The following TRAPPC9 variants were observed in gnomAD, a reference collection of about 807,000 sequenced individuals.
TRAPPC9 encodes the protein IKK2 binding protein.
A neutral mutation model predicts 124.0 loss-of-function variants in TRAPPC9; 83 were observed. The ratio of observed to expected loss-of-function variants is 0.67; its 90% CI spans 0.56 to 0.80. TRAPPC9 has a LOEUF of 0.80. TRAPPC9 is among the 30% of genes least tolerant of loss of function. The pLI is 0.00. For synonymous variants in TRAPPC9, 638 were observed against 617.5 expected (o/e 1.03, Z -0.49); for missense variants, 1,302 against 1,508.3 (o/e 0.86, Z 2.27).
intron 19 of TRAPPC9, among the ~76,000 whole-genome samples, chr8:139,924,379 G>C (rs530344138): frequency 1.2e-4 from 19 of 152,316 alleles, no homozygotes; most frequent in African/African-American, 4.6e-4. Context: ...ACATGGAGCT[G>C]AAGGGACAGC....
At chr8:140,458,190 A>T, upstream of TRAPPC9, 1 of 1,548,038 alleles carries the variant, frequency 6.5e-7, no homozygotes, top group Non-Finnish European at 8.7e-7. Context: ...GGAGGGAGGG[A>T]CCGGAGCAAG....
intron 21 of TRAPPC9, among the ~76,000 whole-genome samples, chr8:139,814,303 T>C (rs1280588664): frequency 2.0e-5 from 3 of 152,102 alleles, no homozygotes; most frequent in African/African-American, 7.2e-5. Context: ...GCCTTCCCCG[T>C]GGAGACACGG....
rs919506762 is a variant in TRAPPC9, at chr8:140,087,421, ATGG to A, written c.2557-63345_2557-63343del. On this transcript the variant is annotated intron_variant, in intron 17 of 22. Transcript: ENST00000438773. This position sits in a 1 kb window ranked among gnomAD's most constrained non-coding sequence, Gnocchi z 4.6. ...GCCCAGACCTCTCCCTGGAGCACAGATGGAACACCAACAGGCTCCCGCACAGCC... is the reference window on the plus strand; with the variant it reads ...GCCCAGACCTCTCCCTGGAGCACAGAAACACCAACAGGCTCCCGCACAGCC... 6.6e-6 allele frequency among the ~76,000 whole-genome samples: 1 copy of A among 152,176 alleles called. No homozygotes were observed. Among genetic ancestry groups the A allele is most frequent in the Non-Finnish European group, 1.5e-5 (1 of 68,030 alleles).
chr8:139,734,758 G>A (rs1818047302), intron 21 of TRAPPC9, among the ~76,000 whole-genome samples: 1 of 152,246 alleles, frequency 6.6e-6, no homozygotes, highest in Non-Finnish European at 1.5e-5. Flanking sequence ...CCAAGAGCTG[G>A]GGCATGCCAA....
Position 140,315,158 on chromosome 8 carries a change from C to A in TRAPPC9, c.1496-3784G>T, listed in dbSNP as rs547258506. ...GCTGGAGAAAGGTGATCTCTCATAG[C>A]GGTTTTCATTTGCATTTCCCTGATG... On this transcript the variant is annotated intron_variant, in intron 9 of 22. Coordinates refer to ENST00000438773, the MANE Select transcript of TRAPPC9 (RefSeq NM_001160372.4). Among the ~76,000 whole-genome samples, 63 of 150,156 alleles carry A rather than the reference C, an allele frequency of 4.2e-4. 1 individual carries two copies. Among genetic ancestry groups the A allele is most frequent in the Non-Finnish European group, 8.9e-5 (6 of 67,726 alleles).
intron 17 of TRAPPC9, among the ~76,000 whole-genome samples, chr8:140,137,463 G>A (rs2061322955): frequency 6.6e-6 from 1 of 151,966 alleles, no homozygotes. Flanking sequence ...AGCGGGTAGT[G>A]AGCTTTCCAC....
intron 21 of TRAPPC9, among the ~76,000 whole-genome samples, chr8:139,781,497 A>G (rs945460679): frequency 3.3e-5 from 5 of 152,282 alleles, no homozygotes; most frequent in Admixed American, 6.5e-5. Context: ...GGCAGAGAAT[A>G]GAGGACATTT....
intron 17 of TRAPPC9, among the ~76,000 whole-genome samples, chr8:140,053,445 T>C (rs1298719662): frequency 6.6e-6 from 1 of 152,242 alleles, no homozygotes; most frequent in Non-Finnish European, 1.5e-5. Context: ...TTTCAGTCTT[T>C]TTAAATTTGG....
intron 17 of TRAPPC9, among the ~76,000 whole-genome samples, chr8:140,143,520 CCTT>C (rs1351949345): frequency 6.6e-6 from 1 of 152,200 alleles, no homozygotes; most frequent in African/African-American, 2.4e-5. Flanking sequence ...CTCATAATGT[CCTT>C]CTTAGAAGTT....
chr8:140,346,767 A>G (rs886909373), intron 9 of TRAPPC9, among the ~76,000 whole-genome samples: 2 of 152,268 alleles, frequency 1.3e-5, no homozygotes, highest in African/African-American at 2.4e-5. Flanking sequence ...TAAAATTTCA[A>G]TCAAATATCA....
At chr8:139,779,010 C>G (rs1304766778) in intron 21 of TRAPPC9, among the ~76,000 whole-genome samples, 5 of 151,942 alleles carry the variant, frequency 3.3e-5, no homozygotes, top group Non-Finnish European at 5.9e-5. Context: ...TTTTAATTTG[C>G]CATTAAAAGT....
intron 21 of TRAPPC9, among the ~76,000 whole-genome samples, chr8:139,844,479 G>T (rs547602042): frequency 5.1e-4 from 77 of 152,374 alleles, no homozygotes; most frequent in African/African-American, 1.9e-3. Context: ...GAACAACGGA[G>T]GGGCCGTTAA....
At chr8:140,447,005 G>A (rs1319185768) in intron 2 of TRAPPC9, among the ~76,000 whole-genome samples, 3 of 152,150 alleles carry the variant, frequency 2.0e-5, no homozygotes, top group East Asian at 1.9e-4. Context: ...CTTCATGCAC[G>A]GCCCACAGCC....
intron 21 of TRAPPC9, among the ~76,000 whole-genome samples, chr8:139,789,177 CGGCCTGCCCGGCGGGCGGGAGACCCA>C (rs529110014): frequency 0.018 from 2,753 of 152,284 alleles, 66 homozygotes; most frequent in African/African-American, 0.063. Flanking sequence ...CTGCAGCCCA[CGGCCTGCCCGGCGGGCGGGAGACCCA>C]CGCCTGCCTC....
intron 18 of TRAPPC9, among the ~76,000 whole-genome samples, chr8:139,990,865 G>C (rs534917469): frequency 6.6e-6 from 1 of 152,150 alleles, no homozygotes; most frequent in East Asian, 1.9e-4. Flanking sequence ...GGGATTACAG[G>C]GGTGAGCCAC....
intron 19 of TRAPPC9, among the ~76,000 whole-genome samples, chr8:139,921,121 C>T (rs1405976661): frequency 6.6e-6 from 1 of 152,232 alleles, no homozygotes; most frequent in Non-Finnish European, 1.5e-5. Context: ...GGACACTGGC[C>T]ACTCCTGTGA....
At position 139,729,347 on chromosome 8, in the gene TRAPPC9, A is replaced by G. The variant is rs1174759308; in HGVS notation, c.*1714T>C. Among the ~76,000 whole-genome samples, 2 of 152,242 alleles carry G rather than the reference A, an allele frequency of 1.3e-5. No individual in the cohort carries two copies. The highest frequency in any genetic ancestry group is 3.8e-4 in the East Asian group (2 of 5,200). Reference sequence around the variant, plus strand: ...TTGGGCTCTGTTGAGGTTGACACACATGGATGCTGTTTGTTCCATTCAGAA... The same window carrying G: ...TTGGGCTCTGTTGAGGTTGACACACGTGGATGCTGTTTGTTCCATTCAGAA... On this transcript the variant is annotated 3_prime_UTR_variant, in exon 23 of 23. Coordinates refer to ENST00000438773, the MANE Select transcript of TRAPPC9 (RefSeq NM_001160372.4).
In TRAPPC9 at chr8:140,438,242, T is replaced by C. The variant is rs886802843; in HGVS notation, c.730+810A>G. Among the ~76,000 whole-genome samples, 5 of 152,306 alleles carry C rather than the reference T, an allele frequency of 3.3e-5. No individual in the cohort carries two copies. In the South Asian group the frequency reaches 6.2e-4, roughly 19 times the overall value. On this transcript the variant is annotated intron_variant, in intron 3 of 22. Transcript: ENST00000438773. ...TTGCCTATTCTAGCCACTTCATATA[T>C]ATAGAATCATACAATCTGCGGCCTT...
intron 18 of TRAPPC9, among the ~76,000 whole-genome samples, chr8:139,996,808 C>T (rs142553868): frequency 0.023 from 3,526 of 152,248 alleles, 57 homozygotes; most frequent in Non-Finnish European, 0.035. Context: ...GGCGTGATCT[C>T]GGCTCATTGC....
Sources: gnomAD v4.1 joint callset for allele counts (sites outside exome capture counted in the v4.1 genomes callset) on GRCh38, gnomAD v4.1.1 for gene constraint, Gnocchi (gnomAD v3.1) non-coding constraint, MANE v1.5 for transcripts, NCBI Gene and HGNC (gene_info 2026-07-23, HGNC 2026-07-21) for gene names.